SMG1: variants seen among roughly 807,000 people sequenced by gnomAD.
SMG1 encodes serine/threonine-protein kinase SMG1.
SMG1 carries 22 observed loss-of-function variants against 419.9 expected under a neutral mutation model. The ratio of observed to expected loss-of-function variants is 0.05; its 90% CI spans 0.04 to 0.07. The LOEUF is 0.07. Ranked by LOEUF, SMG1 falls within the 10% of genes least tolerant of loss-of-function variation. The pLI, the probability that SMG1 is intolerant of heterozygous loss-of-function variation, is 1.00. For missense variants in SMG1, 3,185 were observed against 4,342.0 expected, an observed-to-expected ratio of 0.73 and a Z score of 7.49; for synonymous variants, 1,538 against 1,553.5, an observed-to-expected ratio of 0.99 and a Z score of 0.23.
chr16:18,816,050 T>G lies in SMG1; in HGVS notation c.10302+252A>C, dbSNP rs1567313674. On this transcript the variant is annotated intron_variant, in intron 58 of 62. Transcript: ENST00000446231. The stretch of plus-strand genomic sequence containing the variant: ...CTCAGACTAGGTTCATATCTTGGTT[T>G]TATTACAAGTTATATCACAATAAAG... 3.1e-5 allele frequency: 16 copies of G among 509,316 alleles called. No homozygotes were observed. In the South Asian group the frequency reaches 3.8e-4, roughly 12 times the overall value. The allele number at this position is 509,316 out of a possible 1,614,324, so 31.5% of individuals were successfully genotyped here.
At position 18,859,592 on chromosome 16, in the gene SMG1, G is replaced by C; in HGVS notation, c.3917C>G (p.Pro1306Arg). The C allele has an allele frequency of 6.3e-7, 1 of 1,593,438 alleles. No individual in the cohort carries two copies. Among genetic ancestry groups the C allele is most frequent in the South Asian group, 1.1e-5 (1 of 89,674 alleles). The stretch of plus-strand genomic sequence containing the variant: ...CTGCCACTTCTGATCTTGTTCTATC[G>C]GGTTTAAAGCAGTTGCCAAACAAAC... ...SSVCLATALN[P>R]IEQDQKWQSI... is the part of the protein sequence containing the mutation. Residue 1306 changes from proline to arginine, a missense_variant, in exon 27 of 63, where the codon CCG (proline) becomes CGG (arginine). Physicochemically the swap from Pro to Arg is moderately radical, Grantham distance 103. Transcript: ENST00000446231.
intron 33 of SMG1, 121 bp from the exon 34 acceptor site, chr16:18,850,588 T>C (rs1390778818): frequency 1.5e-6 from 1 of 655,996 alleles, no homozygotes; most frequent in Non-Finnish European, 2.6e-6. Context: ...ATCCCACATT[T>C]AGTGTTATAC....
rs1184764156 is a variant in SMG1, at chr16:18,852,114, T to G, written c.5005A>C (p.Ile1669Leu). The change falls in exon 33 of 63, where the codon ATA becomes CTA. Residue 1669 changes from isoleucine to leucine, a missense_variant. By Grantham distance (5) the Ile-to-Leu change is conservative. Around this residue, in one of 27 missense-constraint regions of SMG1, gnomAD observed 493 missense variants for 552.9 expected, o/e 0.89. Transcript: ENST00000446231. Reference sequence around the variant, plus strand: ...ACAGCCTGTCCAAGAATACCATATATTCTCTCTTTCTCTTCCTCAGTTATA... The same window carrying G: ...ACAGCCTGTCCAAGAATACCATATAGTCTCTCTTTCTCTTCCTCAGTTATA... ...DTITEEEKER[I>L]YGILGQAVCR... 10 of 1,613,612 alleles carry G rather than the reference T, an allele frequency of 6.2e-6. No homozygotes were observed. The highest frequency in any genetic ancestry group is 2.2e-5 in the East Asian group (1 of 44,876).
intron 12 of SMG1, among the ~76,000 whole-genome samples, chr16:18,876,604 T>G (rs975365421): frequency 6.6e-6 from 1 of 151,788 alleles, no homozygotes; most frequent in African/African-American, 2.4e-5. Context: ...CTATAAAGTT[T>G]TATCACAAAT....
intron 4 of SMG1, among the ~76,000 whole-genome samples, chr16:18,891,494 G>T (rs1283750843): frequency 6.6e-6 from 1 of 150,480 alleles, no homozygotes; most frequent in Non-Finnish European, 1.5e-5. Context: ...GGAGTGCAAT[G>T]GCATGATCTC....
In SMG1 at chr16:18,918,835, GGC is replaced by G. The variant is rs549822479; in HGVS notation, c.92+7113_92+7114del. Among the ~76,000 whole-genome samples, 29 of 152,080 alleles carry G rather than the reference GGC, an allele frequency of 1.9e-4. No homozygotes were observed. The South Asian group carries it at 5.8e-3, about 30-fold the overall frequency. On this transcript the variant is annotated intron_variant, in intron 1 of 62. Transcript: ENST00000446231. ...AGTTCAAGACCAGCCTGGCCAACCT[GGC>G]GAAACCCTGTCAATCATGCCACTGC...
Position 18,839,982 on chromosome 16 carries a change from TC to T in SMG1, c.6697-37del, listed in dbSNP as rs141991471. ...AACAATTTTTTTAAAAAAGAAAAGA[TC>T]AATTTTATATAAGGAAAAAGAGTGC... On this transcript the variant is annotated intron_variant, in intron 41 of 62. Transcript: ENST00000446231. 19,248 of 1,486,132 alleles carry T rather than the reference TC, an allele frequency of 0.013. 1,904 individuals are homozygous for T. In the African/African-American group the frequency reaches 0.23, roughly 17 times the overall value. 92.1% of individuals were successfully genotyped at this position (1,486,132 alleles called of 1,614,324 possible).
chr16:18,838,522 C>T (rs1567344401), intron 43 of SMG1, 29 bp downstream of exon 43: 2 of 1,613,796 alleles, frequency 1.2e-6, no homozygotes, highest in Admixed American at 1.7e-5. Flanking sequence ...ATTTGGCCCT[C>T]ATAAATGTAA....
chr16:18,887,776 A>T (rs1178251236), intron 6 of SMG1, among the ~76,000 whole-genome samples: 3 of 48,128 alleles, frequency 6.2e-5, no homozygotes, highest in Non-Finnish European at 1.1e-4. Context: ...AAAAAAAAAA[A>T]AAAAAAAAAA....
In SMG1 at chr16:18,833,183, A is replaced by C; in HGVS notation, c.8566-17T>G. The C allele has an allele frequency of 6.2e-7, 1 of 1,603,138 alleles. No individual in the cohort carries two copies. The highest frequency in any genetic ancestry group is 8.5e-7 in the Non-Finnish European group (1 of 1,172,338). ...ATTCAATTCCTATAAATATATGAGA[A>C]AAAAACTTTTAATGTTTTTTGAGTT... On this transcript the variant is annotated splice_polypyrimidine_tract_variant and intron_variant, in intron 50 of 62. Coordinates refer to ENST00000446231, the MANE Select transcript of SMG1 (RefSeq NM_015092.5).
chr16:18,849,119 T>G (rs1352567561), intron 36 of SMG1, 98 bp downstream of exon 36: 10 of 341,914 alleles, frequency 2.9e-5, no homozygotes, highest in Admixed American at 5.5e-5. Flanking sequence ...CTACAAACTC[T>G]AACAACTCTG....
chr16:18,843,517 A>C (rs1005035010), intron 39 of SMG1, among the ~76,000 whole-genome samples: 5 of 152,220 alleles, frequency 3.3e-5, no homozygotes, highest in Admixed American at 3.3e-4. Flanking sequence ...AATTTTTAGC[A>C]AGCTCTGTTC....
At chr16:18,867,337 C>T (rs1307736812) in intron 22 of SMG1, among the ~76,000 whole-genome samples, 1 of 151,964 alleles carries the variant, frequency 6.6e-6, no homozygotes. Context: ...AGTTCGAGAC[C>T]AGCCTGGCCA....
At position 18,845,662 on chromosome 16, in the gene SMG1, A is replaced by C. The variant is rs1166402447; in HGVS notation, c.5997-11T>G. On this transcript the variant is annotated splice_polypyrimidine_tract_variant and intron_variant, in intron 38 of 62. Coordinates refer to ENST00000446231, the MANE Select transcript of SMG1 (RefSeq NM_015092.5). The stretch of plus-strand genomic sequence containing the variant: ...GCAATTTTCTCTTCTCTGACCAAGA[A>C]GACATTTTTATTCAAAAACTTAAAT... The C allele has an allele frequency of 2.5e-6, 4 of 1,595,340 alleles. No individual in the cohort carries two copies. Among genetic ancestry groups the C allele is most frequent in the Admixed American group, 1.7e-5 (1 of 57,444 alleles).
rs577885056 is a variant in SMG1, at chr16:18,847,741, G to C, written c.5841+75C>G. On this transcript the variant is annotated intron_variant, in intron 37 of 62. Coordinates refer to ENST00000446231, the MANE Select transcript of SMG1 (RefSeq NM_015092.5). ...AATTGGAGAACCCTGACCAGTGATT[G>C]TCAATACAGATTGGCAAAAGCAATT... The C allele has an allele frequency of 5.0e-5, 79 of 1,572,844 alleles. No homozygotes were observed. The Middle Eastern group carries it at 1.3e-3, about 26-fold the overall frequency.
At chr16:18,868,400 G>A (rs1347936533) in intron 21 of SMG1, 46 bp from the exon 22 acceptor site, 1 of 1,208,762 alleles carries the variant, frequency 8.3e-7, no homozygotes, top group African/African-American at 1.5e-5. Flanking sequence ...TCAATTTGTA[G>A]GTAAGGATGT....
chr16:18,814,877 CTTTTT>C (rs10582593), intron 60 of SMG1, among the ~76,000 whole-genome samples: 5 of 123,982 alleles, frequency 4.0e-5, no homozygotes, highest in Non-Finnish European at 5.0e-5. Flanking sequence ...CTCGCCCGGC[CTTTTT>C]TTTTTTTTTT....
At chr16:18,813,498 C>T (rs1232979279) in intron 60 of SMG1, among the ~76,000 whole-genome samples, 2 of 152,140 alleles carry the variant, frequency 1.3e-5, no homozygotes, top group East Asian at 3.9e-4. Context: ...ATATCCTTCG[C>T]CCACTTTTTG....
chr16:18,868,814 T>G, intron 20 of SMG1, 95 bp from the exon 21 acceptor site: 1 of 619,510 alleles, frequency 1.6e-6, no homozygotes. Context: ...TTATCAAGTA[T>G]CCTCTGTCTA....
Sources: gnomAD v4.1 joint callset for allele counts (sites outside exome capture counted in the v4.1 genomes callset) on GRCh38, gnomAD v4.1.1 for gene constraint, gnomAD v4.1.1 regional missense constraint, MANE v1.5 for transcripts, NCBI Gene and HGNC (gene_info 2026-07-23, HGNC 2026-07-21) for gene names.